Variants in ATP7B observed in about 807,000 individuals in gnomAD.
ATP7B encodes copper-transporting ATPase 2.
ATP7B carries 113 observed loss-of-function variants against 118.9 expected under a neutral mutation model. That is an observed-to-expected ratio of 0.95 (90% CI 0.82 to 1.11). ATP7B has a LOEUF of 1.11. Among genes scored for constraint, ATP7B ranks in the 50% most tolerant of loss-of-function variants. The pLI, the probability that ATP7B is intolerant of heterozygous loss-of-function variation, is 0.00. For synonymous variants in ATP7B, 777 were observed against 727.4 expected, an observed-to-expected ratio of 1.07 and a Z score of -1.10; for missense variants, 1,867 against 1,871.4, an observed-to-expected ratio of 1.00 and a Z score of 0.04.
chr13:52,004,536 C>A (rs1256322542), intron 1 of ATP7B, among the ~76,000 whole-genome samples: 1 of 152,232 alleles, frequency 6.6e-6, no homozygotes, highest in Admixed American at 6.5e-5. Context: ...CATTAACTAT[C>A]TCTAACTAGA....
At position 51,946,399 on chromosome 13, in the gene ATP7B, G is replaced by A. The variant is rs1487547257; in HGVS notation, c.2945C>T (p.Ala982Val). Residue 982 changes from alanine to valine, a missense_variant, in exon 13 of 21, where the codon GCC becomes GTC. By Grantham distance (64) the Ala-to-Val change is moderately conservative. Coordinates refer to ENST00000242839, the MANE Select transcript of ATP7B (RefSeq NM_000053.4). ...FQTSITVLCI[A>V]CPCSLGLATP... ...GGCCAGCCCCAGGGAGCAGGGGCAG[G>A]CAATGCACAGCACCGTGATGGACGT... 1.2e-6 allele frequency: 2 copies of A among 1,613,982 alleles called. No individual in the cohort carries two copies. The highest frequency in any genetic ancestry group is 1.7e-6 in the Non-Finnish European group (2 of 1,180,056).
chr13:51,966,734 C>T, intron 4 of ATP7B: 1 of 1,579,962 alleles, frequency 6.3e-7, no homozygotes, highest in Admixed American at 1.8e-5. Context: ...AGCCCGCCCG[C>T]ACCCACCATG....
intron 7 of ATP7B, 45 bp from the exon 8 acceptor site, chr13:51,958,589 AGTTCAATGAGCGACACAGG>A (rs761789140): frequency 3.2e-6 from 5 of 1,564,628 alleles, no homozygotes; most frequent in Non-Finnish European, 4.4e-6. Flanking sequence ...TAGGGAGGAG[AGTTCAATGAGCGACACAGG>A]GCCAAGGGCC....
chr13:52,011,771 C>T (rs1593894001), upstream of ATP7B, among the ~76,000 whole-genome samples: 1 of 152,250 alleles, frequency 6.6e-6, no homozygotes, highest in South Asian at 2.1e-4. Context: ...GCGGTCTCGG[C>T]CACCTCGCGC....
At position 51,957,699 on chromosome 13, in the gene ATP7B, C is replaced by G. The variant is rs1958445385; in HGVS notation, c.2356-92G>C. 4 of 1,288,374 alleles carry G rather than the reference C, an allele frequency of 3.1e-6. No individual in the cohort carries two copies. In the East Asian group the frequency reaches 9.3e-5, roughly 30 times the overall value. The allele number at this position is 1,288,374 out of a possible 1,614,324, so 79.8% of individuals were successfully genotyped here. A position where few individuals can be genotyped will look rare whatever the true frequency, so the allele number is the denominator to read the frequency against. On this transcript the variant is annotated intron_variant, in intron 8 of 20. Coordinates refer to ENST00000242839, the MANE Select transcript of ATP7B (RefSeq NM_000053.4). ...GTCACAAGCGTGGTGTTAGAGACAG[C>G]TGGTGCGAGAGAAACAGCCGCACGG... is the stretch of plus-strand genomic sequence containing the variant.
intron 2 of ATP7B, among the ~76,000 whole-genome samples, chr13:51,971,199 C>G (rs1209985165): frequency 6.6e-6 from 1 of 152,158 alleles, no homozygotes; most frequent in Non-Finnish European, 1.5e-5. Context: ...ATGGTTTATT[C>G]CAAATTAAAG....
intron 2 of ATP7B, among the ~76,000 whole-genome samples, 182 bp downstream of exon 2, chr13:51,973,753 A>G (rs1175795400): frequency 6.6e-6 from 1 of 152,218 alleles, no homozygotes; most frequent in Non-Finnish European, 1.5e-5. Context: ...AAATCTAGAC[A>G]CTTGGAGATT....
rs779988850 is a variant in ATP7B, at chr13:51,958,542, G to T, written c.2124C>A (p.Leu708=). 6.2e-7 allele frequency: 1 copy of T among 1,613,958 alleles called. No individual in the cohort carries two copies. The highest frequency in any genetic ancestry group is 8.5e-7 in the Non-Finnish European group (1 of 1,179,802). Reference sequence around the variant, plus strand: ...GAACGTAGAAGTACCACCCACCGAGGAGCTGAAAGACAAGGACAGTGAAGG... The same window carrying T: ...GAACGTAGAAGTACCACCCACCGAGTAGCTGAAAGACAAGGACAGTGAAGG... ...IFFILCTFVQ[L]LGGWYFYVQA... is the part of the protein sequence containing the mutation. Residue 708 remains leucine (L), a splice_region_variant and synonymous_variant, in exon 8 of 21, where the codon CTC becomes CTA. Coordinates refer to ENST00000242839, the MANE Select transcript of ATP7B (RefSeq NM_000053.4).
chr13:51,935,784 G>A (rs1041124382), intron 19 of ATP7B, 89 bp from the exon 20 acceptor site: 24 of 1,197,182 alleles, frequency 2.0e-5, no homozygotes, highest in South Asian at 2.9e-5. Flanking sequence ...CACCCTCAGC[G>A]GCCCCCAGTG....
intron 18 of ATP7B, 33 bp downstream of exon 18, chr13:51,937,443 C>T (rs752617981): frequency 2.5e-6 from 4 of 1,614,154 alleles, no homozygotes; most frequent in Middle Eastern, 1.6e-4. Flanking sequence ...ATTGCCCTCC[C>T]AGCACCCACA....
chr13:51,940,844 A>C (rs1376672160), intron 16 of ATP7B, among the ~76,000 whole-genome samples: 1 of 152,094 alleles, frequency 6.6e-6, no homozygotes, highest in Non-Finnish European at 1.5e-5. Context: ...GACAGTTTAG[A>C]ATTCCAAGGT....
At chr13:52,010,547 A>C (rs1223024569) in intron 1 of ATP7B, among the ~76,000 whole-genome samples, 1 of 152,252 alleles carries the variant, frequency 6.6e-6, no homozygotes. Context: ...CAGTTAGTGA[A>C]ACAATCTCTA....
At chr13:52,006,090 G>A (rs886931683) in intron 1 of ATP7B, among the ~76,000 whole-genome samples, 1 of 152,158 alleles carries the variant, frequency 6.6e-6, no homozygotes, top group Non-Finnish European at 1.5e-5. Flanking sequence ...CCTTTATTTC[G>A]GCCCATCCCT....
chr13:51,960,389 C>T, intron 6 of ATP7B, 67 bp from the exon 7 acceptor site: 1 of 1,565,516 alleles, frequency 6.4e-7, no homozygotes, highest in Non-Finnish European at 8.7e-7. Flanking sequence ...CAAGCCACTC[C>T]CCTTCTGAGG....
intron 1 of ATP7B, among the ~76,000 whole-genome samples, chr13:52,009,318 T>C (rs1424869190): frequency 1.3e-5 from 2 of 152,198 alleles, no homozygotes; most frequent in Admixed American, 1.3e-4. Context: ...CAGAGGGCCC[T>C]TCCTTGTCTG....
rs146295296 is a variant in ATP7B, at chr13:51,977,257, T to C, written c.52-2089A>G. 6.1e-3 allele frequency among the ~76,000 whole-genome samples: 921 copies of C among 151,964 alleles called. 7 individuals carry two copies. The highest frequency in any genetic ancestry group is 0.021 in the African/African-American group (878 of 41,434). The stretch of plus-strand genomic sequence containing the variant: ...TTTTTTTTTTTTTTACTTTCGACTC[T>C]TTTGTAATAACACTTAGCTTAAAGC... On this transcript the variant is annotated intron_variant, in intron 1 of 20. Transcript: ENST00000242839.
intron 1 of ATP7B, among the ~76,000 whole-genome samples, chr13:51,985,762 C>T (rs956413384): frequency 1.3e-5 from 2 of 152,190 alleles, no homozygotes; most frequent in Admixed American, 6.6e-5. Flanking sequence ...GATTAAGAAA[C>T]TCACTCAAAA....
chr13:51,942,641 G>A, intron 14 of ATP7B, 87 bp from the exon 15 acceptor site: 1 of 1,537,924 alleles, frequency 6.5e-7, no homozygotes, highest in East Asian at 2.3e-5. Flanking sequence ...GGGACACAGG[G>A]TGAAGGTGGC....
rs1041361346 is a variant in ATP7B at position 51,934,973 on chromosome 13, G to A, written c.4181C>T (p.Pro1394Leu). 1.2e-6 allele frequency: 2 copies of A among 1,613,916 alleles called. No individual in the cohort carries two copies. The highest frequency in any genetic ancestry group is 1.7e-5 in the Admixed American group (1 of 59,996). The change falls in exon 21 of 21, where the codon CCC becomes CTC. Residue 1394 changes from proline to leucine, a missense_variant. Physicochemically the swap from Pro to Leu is moderately conservative, Grantham distance 98. Coordinates refer to ENST00000242839, the MANE Select transcript of ATP7B (RefSeq NM_000053.4). The part of the protein sequence containing the change: ...YEAQAHGHMK[P>L]LTASQVSVHI... Reference sequence around the variant, plus strand: ...CACACTGACCTGGGATGCCGTCAGGGGCTTCATGTGGCCATGCGCCTGTGC... The same window carrying A: ...CACACTGACCTGGGATGCCGTCAGGAGCTTCATGTGGCCATGCGCCTGTGC...
Sources: gnomAD v4.1 joint callset for allele counts (sites outside exome capture counted in the v4.1 genomes callset) on GRCh38, gnomAD v4.1.1 for gene constraint, MANE v1.5 for transcripts, NCBI Gene and HGNC (gene_info 2026-07-23, HGNC 2026-07-21) for gene names.